GRID2: variants seen among roughly 807,000 people sequenced by gnomAD.
GRID2 encodes the protein glutamate receptor ionotropic, delta-2.
GRID2 carries 33 observed loss-of-function variants against 114.8 expected under a neutral mutation model. The observed-to-expected ratio is 0.29, with a 90% CI of 0.22 to 0.38. GRID2 has a LOEUF of 0.38. GRID2 is among the 10% of genes least tolerant of loss of function. The pLI, the probability that GRID2 is intolerant of heterozygous loss-of-function variation, is 1.00. For synonymous variants in GRID2, 505 were observed against 449.9 expected, an observed-to-expected ratio of 1.12 and a Z score of -1.55; for missense variants, 1,184 against 1,257.7, an observed-to-expected ratio of 0.94 and a Z score of 0.89.
intron 8 of GRID2, among the ~76,000 whole-genome samples, chr4:93,355,388 G>A (rs779791246): frequency 7.0e-4 from 107 of 152,110 alleles, no homozygotes; most frequent in Non-Finnish European, 1.3e-3. Flanking sequence ...ATGTTGACTG[G>A]GGGCTCCAGT....
rs923836265 is a variant in GRID2, at chr4:92,990,293, A to G, written c.245-94702A>G. ...TGTACGTAGATATGTGTGTGTATAT[A>G]TATATATATATATGTGTGTGTGTGT... On this transcript the variant is annotated intron_variant, in intron 2 of 15. Coordinates refer to ENST00000282020, the MANE Select transcript of GRID2 (RefSeq NM_001510.4). Among the ~76,000 whole-genome samples the G allele has an allele frequency of 5.2e-5, 7 of 135,586 alleles. 1 individual carries two copies. In the South Asian group the frequency reaches 7.1e-4, roughly 14 times the overall value. 88.9% of individuals were successfully genotyped at this position (135,586 alleles called of 152,430 possible).
chr4:92,400,651 A>G (rs1362429320), intron 1 of GRID2, among the ~76,000 whole-genome samples: 1 of 152,078 alleles, frequency 6.6e-6, no homozygotes. Flanking sequence ...TTCTATGATA[A>G]CTTCATGTTT....
chr4:92,748,632 G>GCATTAT (rs370483856), intron 2 of GRID2, among the ~76,000 whole-genome samples: 1 of 137,768 alleles, frequency 7.3e-6, no homozygotes, highest in East Asian at 2.1e-4. Context: ...TAATTAAATT[G>GCATTAT]TATTATTATT....
At chr4:92,582,372 T>C (rs961444603) in intron 1 of GRID2, among the ~76,000 whole-genome samples, 1 of 151,894 alleles carries the variant, frequency 6.6e-6, no homozygotes, top group African/African-American at 2.4e-5. Context: ...TTAACACTAT[T>C]CCAAGGTAAC....
At chr4:92,410,654 G>A (rs1254514080) in intron 1 of GRID2, among the ~76,000 whole-genome samples, 1 of 152,052 alleles carries the variant, frequency 6.6e-6, no homozygotes, top group Non-Finnish European at 1.5e-5. Context: ...TTTTAGATGT[G>A]TGATCTTGAG....
intron 13 of GRID2, among the ~76,000 whole-genome samples, chr4:93,592,515 GA>G (rs1474488824): frequency 8.5e-5 from 13 of 152,182 alleles, no homozygotes; most frequent in African/African-American, 2.2e-4. Context: ...GTGTGGTGCT[GA>G]AAAAAATGTA....
At chr4:93,228,644 T>C (rs1254997145) in intron 7 of GRID2, among the ~76,000 whole-genome samples, 1 of 152,146 alleles carries the variant, frequency 6.6e-6, no homozygotes, top group Non-Finnish European at 1.5e-5. Flanking sequence ...AGCCTCAAGG[T>C]GTTGCCAAAA....
intron 14 of GRID2, among the ~76,000 whole-genome samples, chr4:93,653,376 T>C (rs183874682): frequency 6.6e-6 from 1 of 152,294 alleles, no homozygotes; most frequent in Admixed American, 6.5e-5. Flanking sequence ...ACCTGCCAAC[T>C]CCAGTGTATC....
At chr4:92,605,193 G>A (rs2149222854) in intron 2 of GRID2, among the ~76,000 whole-genome samples, 1 of 152,098 alleles carries the variant, frequency 6.6e-6, no homozygotes, top group South Asian at 2.1e-4. Context: ...GTATGAAAAT[G>A]GACTAATACA....
intron 2 of GRID2, among the ~76,000 whole-genome samples, chr4:92,839,180 T>C (rs770494774): frequency 6.6e-6 from 1 of 152,034 alleles, no homozygotes; most frequent in Non-Finnish European, 1.5e-5. Flanking sequence ...TAATGAGGTA[T>C]CTTAGTTTGA....
intron 2 of GRID2, among the ~76,000 whole-genome samples, chr4:92,708,963 G>A (rs1735081761): frequency 1.3e-5 from 2 of 151,986 alleles, no homozygotes; most frequent in Non-Finnish European, 2.9e-5. Flanking sequence ...TCTGAATTGT[G>A]CCCTCCAGGA....
exon 2 of GRID2, chr4:93,809,231 T>C (rs2110374577): frequency 6.6e-6 from 1 of 152,292 alleles, no homozygotes; most frequent in South Asian, 2.1e-4. Context: ...CCATTTCTGA[T>C]TATTTCATAT....
chr4:93,016,826 T>A (rs1156475918), intron 2 of GRID2, among the ~76,000 whole-genome samples: 1 of 152,188 alleles, frequency 6.6e-6, no homozygotes, highest in Admixed American at 6.5e-5. Flanking sequence ...CTTTAGTCAT[T>A]TTGAGCACAC....
At chr4:93,616,070 T>C (rs933935072) in intron 13 of GRID2, among the ~76,000 whole-genome samples, 2 of 152,206 alleles carry the variant, frequency 1.3e-5, no homozygotes, top group Non-Finnish European at 2.9e-5. Context: ...AAGGAGCTAG[T>C]TATCTCCTTC....
chr4:92,479,824 G>T (rs1187536142), intron 1 of GRID2, among the ~76,000 whole-genome samples: 1 of 152,062 alleles, frequency 6.6e-6, no homozygotes, highest in Non-Finnish European at 1.5e-5. Flanking sequence ...TTATTGAGGA[G>T]ACAGGCTTGA....
chr4:93,207,768 C>A (rs1742984707), intron 5 of GRID2, among the ~76,000 whole-genome samples: 1 of 151,916 alleles, frequency 6.6e-6, no homozygotes, highest in African/African-American at 2.4e-5. Context: ...GCAAAGTAAA[C>A]TCCTCCCAGT....
In GRID2 at chr4:93,238,443, A is replaced by G; in HGVS notation, c.1198A>G (p.Ile400Val). The change falls in exon 8 of 16, where the codon ATC becomes GTC. Residue 400 changes from isoleucine to valine, a missense_variant. By Grantham distance (29) the Ile-to-Val change is conservative. Transcript: ENST00000282020. ...AGGCAATCCCAATGTCCACTTTGAA[A>G]TCCTTGGAACCAACTATGGAGAAGA... The part of the protein sequence containing the change: ...NGGNPNVHFE[I>V]LGTNYGEELG... 2 of 1,610,112 alleles carry G rather than the reference A, an allele frequency of 1.2e-6. No homozygotes were observed. Among genetic ancestry groups the G allele is most frequent in the Non-Finnish European group, 8.5e-7 (1 of 1,176,908 alleles).
At chr4:92,388,248 G>A (rs750811611) in intron 1 of GRID2, among the ~76,000 whole-genome samples, 1 of 151,968 alleles carries the variant, frequency 6.6e-6, no homozygotes, top group Non-Finnish European at 1.5e-5. Flanking sequence ...AACCTTTTTA[G>A]GTCATTGGCT....
At chr4:93,476,343 T>G (rs1020144612) in intron 11 of GRID2, among the ~76,000 whole-genome samples, 2 of 152,136 alleles carry the variant, frequency 1.3e-5, no homozygotes, top group Non-Finnish European at 2.9e-5. Flanking sequence ...ATATAAATTG[T>G]CTTTTAAAAT....
Sources: gnomAD v4.1 joint callset for allele counts (sites outside exome capture counted in the v4.1 genomes callset) on GRCh38, gnomAD v4.1.1 for gene constraint, MANE v1.5 for transcripts, NCBI Gene and HGNC (gene_info 2026-07-23, HGNC 2026-07-21) for gene names.